C8orf34: variants seen among roughly 807,000 people sequenced by gnomAD.
C8orf34 encodes the protein uncharacterized protein C8orf34.
C8orf34 carries 65 observed loss-of-function variants against 68.3 expected under a neutral mutation model. The observed-to-expected ratio is 0.95, with a 90% CI of 0.78 to 1.17. The LOEUF (loss-of-function observed/expected upper bound fraction) is 1.17. Among genes scored for constraint, C8orf34 ranks in the 50% most tolerant of loss-of-function variants. The pLI, the probability that C8orf34 is intolerant of heterozygous loss-of-function variation, is 0.00. For synonymous variants in C8orf34, 244 were observed against 241.2 expected, an observed-to-expected ratio of 1.01 and a Z score of -0.11; for missense variants, 664 against 655.4, an observed-to-expected ratio of 1.01 and a Z score of -0.14.
At chr8:68,728,693 C>A (rs1821900430) in intron 10 of C8orf34, among the ~76,000 whole-genome samples, 1 of 152,128 alleles carries the variant, frequency 6.6e-6, no homozygotes, top group African/African-American at 2.4e-5. Context: ...ATGGGAAAGA[C>A]CAGCCCCCAT....
intron 7 of C8orf34, among the ~76,000 whole-genome samples, chr8:68,592,593 CT>C (rs1444802100): frequency 1.7e-5 from 2 of 116,802 alleles, no homozygotes; most frequent in African/African-American, 3.3e-5. Flanking sequence ...CAATTTATCT[CT>C]TCTTTTTTTT....
chr8:68,445,830 C>T (rs1811097090), intron 2 of C8orf34, among the ~76,000 whole-genome samples: 1 of 152,174 alleles, frequency 6.6e-6, no homozygotes, highest in African/African-American at 2.4e-5. Context: ...GTCTCTATCA[C>T]TCAGGCTGGA....
chr8:68,545,073 A>T (rs377227124), intron 7 of C8orf34, among the ~76,000 whole-genome samples: 1 of 152,132 alleles, frequency 6.6e-6, no homozygotes, highest in Non-Finnish European at 1.5e-5. Flanking sequence ...AGCCATATTG[A>T]TATGGTTTGG....
chr8:68,396,460 A>T (rs73260728), intron 1 of C8orf34, among the ~76,000 whole-genome samples: 1 of 151,732 alleles, frequency 6.6e-6, no homozygotes, highest in Non-Finnish European at 1.5e-5. Flanking sequence ...GCTCTACCAC[A>T]TCATTTTGAA....
intron 7 of C8orf34, among the ~76,000 whole-genome samples, chr8:68,560,068 C>T (rs1315293323): frequency 6.6e-6 from 1 of 151,710 alleles, no homozygotes; most frequent in East Asian, 1.9e-4. Context: ...TGGGACTTTG[C>T]ATTCCATATT....
intron 7 of C8orf34, among the ~76,000 whole-genome samples, chr8:68,559,942 C>T (rs568741780): frequency 6.6e-6 from 1 of 152,216 alleles, no homozygotes; most frequent in Admixed American, 6.5e-5. Flanking sequence ...CAGAGAGGAA[C>T]ATTGGGTTTC....
chr8:68,534,338 G>C, intron 7 of C8orf34: 4 of 985,200 alleles, frequency 4.1e-6, no homozygotes, highest in Non-Finnish European at 4.8e-6. Context: ...CTATGTGGCA[G>C]TGGTAGCTTC....
At chr8:68,698,486 A>C (rs1354693077) in intron 8 of C8orf34, among the ~76,000 whole-genome samples, 2 of 152,060 alleles carry the variant, frequency 1.3e-5, no homozygotes, top group African/African-American at 2.4e-5. Context: ...CTATATACAA[A>C]AGAAGTCAGC....
intron 7 of C8orf34, among the ~76,000 whole-genome samples, chr8:68,557,293 C>T (rs1029377756): frequency 3.9e-5 from 6 of 152,080 alleles, no homozygotes; most frequent in South Asian, 2.1e-4. Flanking sequence ...TAACCTTCTC[C>T]GTGGGGGAAT....
chr8:68,780,794 G>A (rs1823652264), intron 11 of C8orf34, among the ~76,000 whole-genome samples: 1 of 152,070 alleles, frequency 6.6e-6, no homozygotes, highest in African/African-American at 2.4e-5. Context: ...CACATGGATA[G>A]TATGAACCAT....
chr8:68,348,776 T>C (rs1030432580), intron 1 of C8orf34, among the ~76,000 whole-genome samples: 2 of 152,060 alleles, frequency 1.3e-5, no homozygotes, highest in African/African-American at 4.8e-5. Context: ...TTGGCTGTTG[T>C]TGGTGTACAG....
chr8:68,598,634 G>A (rs993670938), intron 7 of C8orf34, among the ~76,000 whole-genome samples: 2 of 152,084 alleles, frequency 1.3e-5, no homozygotes, highest in Admixed American at 6.6e-5. Context: ...AAGACCGTTC[G>A]TTGAATAGAT....
At position 68,362,391 on chromosome 8, in the gene C8orf34, C is replaced by T. The variant is rs540346299; in HGVS notation, c.327+31052C>T. ...TCCACTGTCAATGAAAAAAGTACATCGATTAATTCCAAAGGCCATGGAGGG... is the reference window on the plus strand; with the variant it reads ...TCCACTGTCAATGAAAAAAGTACATTGATTAATTCCAAAGGCCATGGAGGG... On this transcript the variant is annotated intron_variant, in intron 1 of 13. Transcript: ENST00000518698. Among the ~76,000 whole-genome samples, 11 of 152,252 alleles carry T rather than the reference C, an allele frequency of 7.2e-5. No homozygotes were observed. The South Asian group carries it at 1.5e-3, about 20-fold the overall frequency.
At chr8:68,379,511 C>T (rs549138898) in intron 1 of C8orf34, among the ~76,000 whole-genome samples, 10 of 152,320 alleles carry the variant, frequency 6.6e-5, no homozygotes, top group African/African-American at 2.2e-4. Flanking sequence ...TCTGAAATAC[C>T]ATTTTATTTA....
At chr8:68,434,870 C>A (rs1810592941) in intron 1 of C8orf34, among the ~76,000 whole-genome samples, 1 of 151,856 alleles carries the variant, frequency 6.6e-6, no homozygotes, top group African/African-American at 2.4e-5. Flanking sequence ...CATGGTGAAA[C>A]CCCATCTCTA....
intron 7 of C8orf34, among the ~76,000 whole-genome samples, chr8:68,550,599 T>C (rs919341881): frequency 1.3e-5 from 2 of 151,896 alleles, no homozygotes; most frequent in Non-Finnish European, 2.9e-5. Flanking sequence ...GTTTCTGACC[T>C]ACATCATTTT....
intron 3 of C8orf34, among the ~76,000 whole-genome samples, chr8:68,466,565 C>A (rs1028919260): frequency 2.0e-5 from 3 of 151,298 alleles, no homozygotes; most frequent in African/African-American, 4.9e-5. Flanking sequence ...TGGTAATATA[C>A]TTAGATTTAA....
chr8:68,428,075 T>G (rs1464178254), intron 1 of C8orf34, among the ~76,000 whole-genome samples: 6 of 151,198 alleles, frequency 4.0e-5, no homozygotes, highest in Non-Finnish European at 5.9e-5. Flanking sequence ...AGCTGATTTC[T>G]CAAAAAAAGG....
chr8:68,736,048 G>A (rs1822112739), intron 10 of C8orf34, among the ~76,000 whole-genome samples: 1 of 152,120 alleles, frequency 6.6e-6, no homozygotes. Flanking sequence ...TTAGACCAAT[G>A]GCTTTTTCAT....
Sources: allele counts gnomAD v4.1 joint callset (sites outside exome capture counted in the v4.1 genomes callset), GRCh38; gene constraint gnomAD v4.1.1; transcripts MANE v1.5; gene names NCBI Gene and HGNC (gene_info 2026-07-23, HGNC 2026-07-21).